The following SNX18 variants were observed in gnomAD, a reference collection of about 807,000 sequenced individuals.
SNX18 encodes the protein sorting nexin-18.
Under a neutral mutation model 48.7 loss-of-function variants are expected in SNX18, and 35 were observed. The observed-to-expected ratio is 0.72, with a 90% CI of 0.55 to 0.95. SNX18 has a LOEUF of 0.95. SNX18 is among the 40% of genes least tolerant of loss of function. SNX18 has a pLI of 0.00. For missense variants in SNX18, 824 were observed against 871.0 expected, an observed-to-expected ratio of 0.95 and a Z score of 0.68; for synonymous variants, 492 against 384.7, an observed-to-expected ratio of 1.28 and a Z score of -3.26.
In SNX18 at chr5:54,517,982, C is replaced by T. The variant is rs908877955; in HGVS notation, c.30C>T (p.Asp10=). ...CGCTGCGCGCCCGGGCGCTGTACGA[C>T]TTCAGGTCGGAGAACCCAGGAGAGA... MALRARALY[D]FRSENPGEIS... Residue 10 remains aspartate (D), a synonymous_variant, in exon 1 of 2, where the codon GAC becomes GAT. Coordinates refer to ENST00000381410, the MANE Select transcript of SNX18 (RefSeq NM_001102575.2). The T allele has an allele frequency of 2.0e-6, 3 of 1,537,542 alleles. No homozygotes were observed. Among genetic ancestry groups the T allele is most frequent in the African/African-American group, 1.4e-5 (1 of 70,416 alleles).
the SNX18 span, among the ~76,000 whole-genome samples, chr5:54,588,303 A>ATTGTTTTTTTTTTTTT: frequency 2.0e-5 from 2 of 100,448 alleles, no homozygotes; most frequent in East Asian, 6.2e-4. Context: ...TGTTATTTCT[A>ATTGTTTTTTTTTTTTT]TTCTTTTTTT....
At chr5:54,584,929 G>A in the SNX18 span, among the ~76,000 whole-genome samples, 2,945 of 152,262 alleles carry the variant, frequency 0.019, 94 homozygotes, top group African/African-American at 0.068. Context: ...GCCAACACAC[G>A]TATTTTAACT....
At chr5:54,633,620 C>A in the SNX18 span, among the ~76,000 whole-genome samples, 1 of 152,170 alleles carries the variant, frequency 6.6e-6, no homozygotes, top group Admixed American at 6.5e-5. Flanking sequence ...ATATTATATA[C>A]CTCATAGGTA....
chr5:54,558,505 A>G, the SNX18 span, among the ~76,000 whole-genome samples: 2 of 152,224 alleles, frequency 1.3e-5, no homozygotes, highest in Non-Finnish European at 1.5e-5. Context: ...ATACATTACT[A>G]TTCAGAGGGC....
At chr5:54,555,228 G>T in the SNX18 span, among the ~76,000 whole-genome samples, 3 of 152,186 alleles carry the variant, frequency 2.0e-5, no homozygotes, top group Non-Finnish European at 4.4e-5. Context: ...GGTGTCCTCT[G>T]TTGTACCCGG....
intron 1 of SNX18, among the ~76,000 whole-genome samples, chr5:54,531,503 A>G (rs892476308): frequency 6.6e-6 from 1 of 152,224 alleles, no homozygotes; most frequent in Non-Finnish European, 1.5e-5. Flanking sequence ...ACAGCAAGAC[A>G]TTTTTAACTA....
At chr5:54,615,216 C>T in the SNX18 span, among the ~76,000 whole-genome samples, 2 of 152,178 alleles carry the variant, frequency 1.3e-5, no homozygotes, top group African/African-American at 2.4e-5. Flanking sequence ...TTTTGTCTCT[C>T]GACTTCCAGA....
chr5:54,580,412 T>C, the SNX18 span, among the ~76,000 whole-genome samples: 2 of 152,342 alleles, frequency 1.3e-5, no homozygotes, highest in Admixed American at 1.3e-4. Flanking sequence ...CTCATTTTTT[T>C]GTGCTTTCTT....
Position 54,518,362 on chromosome 5 carries a change from C to T in SNX18, c.410C>T (p.Pro137Leu). ...PYGGGALQPSPQQLYGGYQAS... is the reference protein window; with the variant it reads ...PYGGGALQPSLQQLYGGYQAS... Reference sequence around the variant, plus strand: ...GGCGGGGGCGCCCTGCAGCCGTCGCCTCAGCAGCTCTACGGCGGCTACCAG... The same window carrying T: ...GGCGGGGGCGCCCTGCAGCCGTCGCTTCAGCAGCTCTACGGCGGCTACCAG... The change falls in exon 1 of 2, where the codon CCT (proline) becomes CTT (leucine). Residue 137 changes from proline (P) to leucine (L), a missense_variant. Coordinates refer to ENST00000381410, the MANE Select transcript of SNX18 (RefSeq NM_001102575.2). The T allele has an allele frequency of 6.4e-7, 1 of 1,551,744 alleles. No individual in the cohort carries two copies. The highest frequency in any genetic ancestry group is 8.7e-7 in the Non-Finnish European group (1 of 1,150,862).
At chr5:54,551,046 CGAAAT>C (rs1762648951), downstream of SNX18, among the ~76,000 whole-genome samples, 3 of 144,420 alleles carry the variant, frequency 2.1e-5, no homozygotes, top group Admixed American at 2.1e-4. Context: ...TTAAAAATAA[CGAAAT>C]GAATGTTAAA....
chr5:54,641,187 C>G, the SNX18 span, among the ~76,000 whole-genome samples: 5 of 152,164 alleles, frequency 3.3e-5, no homozygotes, highest in African/African-American at 1.2e-4. Context: ...TCACCAGAGT[C>G]AGGCCAGAAC....
intron 1 of SNX18, among the ~76,000 whole-genome samples, chr5:54,522,792 A>C (rs1198285283): frequency 2.2e-4 from 34 of 152,216 alleles, no homozygotes; most frequent in Non-Finnish European, 1.5e-5. Flanking sequence ...TGGTGGGCTG[A>C]AATTTTCCTG....
chr5:54,573,665 G>T, the SNX18 span, among the ~76,000 whole-genome samples: 1 of 152,094 alleles, frequency 6.6e-6, no homozygotes, highest in Non-Finnish European at 1.5e-5. Context: ...TAAGGGATTT[G>T]GATTAAATTC....
chr5:54,572,754 G>GTATATATATATATATATA, the SNX18 span, among the ~76,000 whole-genome samples: 7 of 31,884 alleles, frequency 2.2e-4, no homozygotes, highest in African/African-American at 8.5e-4. Flanking sequence ...GTGTGTGTGT[G>GTATATATATATATATATA]TATATATATA....
At chr5:54,585,116 A>T in the SNX18 span, among the ~76,000 whole-genome samples, 3 of 152,074 alleles carry the variant, frequency 2.0e-5, no homozygotes, top group South Asian at 4.2e-4. Context: ...ACATAGCAAG[A>T]TCCCATCTCT....
the SNX18 span, among the ~76,000 whole-genome samples, chr5:54,646,703 C>T: frequency 6.6e-6 from 1 of 152,170 alleles, no homozygotes; most frequent in African/African-American, 2.4e-5. Context: ...AGTTCTTATG[C>T]CAAGATATGT....
the SNX18 span, among the ~76,000 whole-genome samples, chr5:54,621,044 C>T: frequency 6.6e-6 from 1 of 152,134 alleles, no homozygotes; most frequent in South Asian, 2.1e-4. Flanking sequence ...GGTTTACACC[C>T]CCAGTAAATC....
chr5:54,569,576 C>A, the SNX18 span, among the ~76,000 whole-genome samples: 1 of 152,128 alleles, frequency 6.6e-6, no homozygotes, highest in Non-Finnish European at 1.5e-5. Context: ...TTTCTGAAGA[C>A]TTATTTCTTC....
At chr5:54,593,118 A>C in the SNX18 span, among the ~76,000 whole-genome samples, 1 of 152,174 alleles carries the variant, frequency 6.6e-6, no homozygotes, top group Non-Finnish European at 1.5e-5. Context: ...TATATTATTG[A>C]TAGTCGGCTG....
Sources: allele counts gnomAD v4.1 joint callset (sites outside exome capture counted in the v4.1 genomes callset), GRCh38; gene constraint gnomAD v4.1.1; transcripts MANE v1.5; gene names NCBI Gene and HGNC (gene_info 2026-07-23, HGNC 2026-07-21).